The following NECAP1 variants were observed in gnomAD, a reference collection of about 807,000 sequenced individuals.
The protein encoded by NECAP1 is adaptin ear-binding coat-associated protein 1.
In NECAP1, 13 loss-of-function variants were observed where a neutral mutation model predicts 33.4. The ratio of observed to expected loss-of-function variants is 0.39; its 90% CI spans 0.25 to 0.62. The LOEUF (loss-of-function observed/expected upper bound fraction) is 0.62. Among genes scored for constraint, NECAP1 ranks in the 20% least tolerant of loss-of-function variants. NECAP1 has a pLI of 0.52. For missense variants in NECAP1, 272 were observed against 347.4 expected, an observed-to-expected ratio of 0.78 and a Z score of 1.73; for synonymous variants, 109 against 125.2, an observed-to-expected ratio of 0.87 and a Z score of 0.86.
intron 1 of NECAP1, 81 bp downstream of exon 1, chr12:8,082,464 C>G (rs1947448435): frequency 4.0e-6 from 5 of 1,256,068 alleles, no homozygotes; most frequent in South Asian, 2.5e-5. Context: ...GCTGTCCGTC[C>G]CTGCCACTAC....
intron 1 of NECAP1, among the ~76,000 whole-genome samples, chr12:8,085,686 C>CTTCTTTTTTTTT (rs1947481617): frequency 4.8e-5 from 5 of 104,812 alleles, no homozygotes; most frequent in Non-Finnish European, 7.0e-5. Flanking sequence ...ACTTAATCTT[C>CTTCTTTTTTTTT]TTTTTTTTTT....
chr12:8,083,816 G>A (rs114607250), intron 1 of NECAP1, among the ~76,000 whole-genome samples: 2,454 of 148,418 alleles, frequency 0.017, 62 homozygotes, highest in South Asian at 0.12. Flanking sequence ...CACAGCTCAC[G>A]GCAGCTGTGT....
intron 6 of NECAP1, chr12:8,093,736 GAAAC>G (rs1310174534): frequency 6.6e-6 from 1 of 151,548 alleles, no homozygotes; most frequent in African/African-American, 2.4e-5. Context: ...AAAAAACAAA[GAAAC>G]AAACAAAAAT....
chr12:8,091,956 A>T, intron 4 of NECAP1, 106 bp downstream of exon 4: 1 of 970,142 alleles, frequency 1.0e-6, no homozygotes, highest in Non-Finnish European at 1.6e-6. Context: ...TGTTTCTTAA[A>T]CTATTTCATT....
intron 1 of NECAP1, among the ~76,000 whole-genome samples, 190 bp downstream of exon 1, chr12:8,082,573 G>A (rs1015943850): frequency 1.2e-3 from 19 of 15,932 alleles, no homozygotes; most frequent in African/African-American, 3.5e-3. Context: ...CCATATTTCT[G>A]CCGTTTTTTT....
Position 8,093,028 on chromosome 12 carries a change from A to G in NECAP1, c.649A>G (p.Lys217Glu). The change falls in exon 6 of 8, where the codon AAA (lysine) becomes GAA (glutamate). Residue 217 changes from lysine to glutamate, a missense_variant. Physicochemically the swap from Lys to Glu is moderately conservative, Grantham distance 56. Coordinates refer to ENST00000339754, the MANE Select transcript of NECAP1 (RefSeq NM_015509.4). ...TCATGTCACCCCACCACCCATTCCG[A>G]AATCTAACCATGGAGGCAGTGATGC... ...SNHVTPPPIP[K>E]SNHGGSDADI... 1 of 1,614,158 alleles carries G rather than the reference A, an allele frequency of 6.2e-7. No homozygotes were observed. Among genetic ancestry groups the G allele is most frequent in the Non-Finnish European group, 8.5e-7 (1 of 1,180,004 alleles).
At chr12:8,083,408 C>G (rs1160480448) in intron 1 of NECAP1, among the ~76,000 whole-genome samples, 1 of 135,788 alleles carries the variant, frequency 7.4e-6, no homozygotes, top group African/African-American at 2.7e-5. Flanking sequence ...GTTACAAATA[C>G]TATTTGTTTG....
chr12:8,084,750 C>G (rs996427435), intron 1 of NECAP1, among the ~76,000 whole-genome samples: 1 of 152,110 alleles, frequency 6.6e-6, no homozygotes, highest in Non-Finnish European at 1.5e-5. Context: ...ATTGTTTAGT[C>G]TCCTTTTTTC....
rs1301250842 is a variant in NECAP1, at chr12:8,082,284, C to G, written c.-5C>G. ...GCCCCCGGCAGCGCCGACAGCGGACCCAAGATGGCGACCGAGTTGGAGTAC... is the reference window on the plus strand; with the variant it reads ...GCCCCCGGCAGCGCCGACAGCGGACGCAAGATGGCGACCGAGTTGGAGTAC... On this transcript the variant is annotated 5_prime_UTR_variant, in exon 1 of 8. Transcript: ENST00000339754. The G allele has an allele frequency of 6.3e-7, 1 of 1,587,864 alleles. No individual in the cohort carries two copies. The highest frequency in any genetic ancestry group is 1.3e-5 in the African/African-American group (1 of 74,492).
At chr12:8,094,775 C>G (rs1230665279) in intron 6 of NECAP1, 2 of 152,162 alleles carry the variant, frequency 1.3e-5, no homozygotes, top group African/African-American at 4.8e-5. Context: ...CAGTTCTTTG[C>G]AGTTTTGTCA....
chr12:8,082,453 C>T (rs761493445), intron 1 of NECAP1, 70 bp downstream of exon 1: 18 of 1,391,480 alleles, frequency 1.3e-5, no homozygotes, highest in Non-Finnish European at 1.7e-5. Flanking sequence ...TCAGCTAGCA[C>T]GCTGTCCGTC....
At chr12:8,087,667 G>T (rs769622704) in intron 1 of NECAP1, among the ~76,000 whole-genome samples, 1 of 151,910 alleles carries the variant, frequency 6.6e-6, no homozygotes, top group Admixed American at 6.6e-5. Flanking sequence ...GGTTATAGGC[G>T]TGAGCCACGG....
At chr12:8,094,160 A>G (rs921987320) in intron 6 of NECAP1, among the ~76,000 whole-genome samples, 9 of 152,336 alleles carry the variant, frequency 5.9e-5, no homozygotes, top group Admixed American at 2.0e-4. Context: ...TGAAAATATT[A>G]TAGCCTGCTT....
intron 1 of NECAP1, among the ~76,000 whole-genome samples, chr12:8,085,686 C>CTTCTTTTTTTT (rs1947481617): frequency 6.7e-5 from 7 of 104,810 alleles, no homozygotes; most frequent in Non-Finnish European, 5.3e-5. Flanking sequence ...ACTTAATCTT[C>CTTCTTTTTTTT]TTTTTTTTTT....
chr12:8,084,617 TC>T (rs1947470789), intron 1 of NECAP1, among the ~76,000 whole-genome samples: 4 of 152,068 alleles, frequency 2.6e-5, no homozygotes, highest in South Asian at 2.1e-4. Flanking sequence ...ACTGTTCAAC[TC>T]CCACTTGTGA....
chr12:8,089,868 C>A, intron 1 of NECAP1, 68 bp from the exon 2 acceptor site: 2 of 1,148,694 alleles, frequency 1.7e-6, no homozygotes, highest in South Asian at 1.2e-5. Context: ...GAAATACAGT[C>A]AAAGATTGTG....
rs1208854240 is a variant in NECAP1 at position 8,090,210 on chromosome 12, A to C, written c.212A>C (p.Gln71Pro). 2 of 1,614,072 alleles carry C rather than the reference A, an allele frequency of 1.2e-6. No homozygotes were observed. Among genetic ancestry groups the C allele is most frequent in the African/African-American group, 2.7e-5 (2 of 74,938 alleles). Residue 71 changes from glutamine to proline, a missense_variant, in exon 3 of 8, where the codon CAG becomes CCG. Physicochemically the swap from Gln to Pro is moderately conservative, Grantham distance 76. Coordinates refer to ENST00000339754, the MANE Select transcript of NECAP1 (RefSeq NM_015509.4). The stretch of plus-strand genomic sequence containing the variant: ...TATCTGTCAGGGGAGCTCTTTGCTC[A>C]GGCACCAGTAGAACAATATCCTGGT... ...EDKVSGELFA[Q>P]APVEQYPGIA...
chr12:8,096,759 A>G lies in NECAP1; in HGVS notation c.*669A>G, dbSNP rs761611718. On this transcript the variant is annotated 3_prime_UTR_variant, in exon 8 of 8. Transcript: ENST00000339754. Reference sequence around the variant, plus strand: ...AGAGGGTTGTGTTGGTGGCACCTCCACTACTCTTTTCTGTTTGTTGAGTTT... The same window carrying G: ...AGAGGGTTGTGTTGGTGGCACCTCCGCTACTCTTTTCTGTTTGTTGAGTTT... The G allele has an allele frequency of 7.0e-6, 1 of 143,662 alleles. No individual in the cohort carries two copies. The highest frequency in any genetic ancestry group is 1.5e-5 in the Non-Finnish European group (1 of 65,758). The allele number at this position is 143,662 out of a possible 1,614,324, so 8.9% of individuals were successfully genotyped here.
chr12:8,087,019 A>ATTTTT (rs761884260), intron 1 of NECAP1, among the ~76,000 whole-genome samples: 117 of 87,162 alleles, frequency 1.3e-3, no homozygotes, highest in Non-Finnish European at 1.9e-3. Flanking sequence ...TTTTTTAAAA[A>ATTTTT]AAAATTCTTC....
Sources: gnomAD v4.1 joint callset for allele counts (sites outside exome capture counted in the v4.1 genomes callset) on GRCh38, gnomAD v4.1.1 for gene constraint, MANE v1.5 for transcripts, NCBI Gene and HGNC (gene_info 2026-07-23, HGNC 2026-07-21) for gene names.